Variants in THSD7A observed in about 807,000 individuals in gnomAD.
THSD7A encodes the protein thrombospondin type 1 domain containing 7A.
A neutral mutation model predicts 231.3 loss-of-function variants in THSD7A; 96 were observed. The observed-to-expected ratio is 0.41, with a 90% confidence interval of 0.35 to 0.49. The LOEUF (loss-of-function observed/expected upper bound fraction) is 0.49. Ranked by LOEUF, THSD7A falls within the 20% of genes least tolerant of loss-of-function variation. THSD7A has a pLI of 0.05. For missense variants in THSD7A, 2,290 were observed against 2,070.2 expected (o/e 1.11, Z -2.06); for synonymous variants, 940 against 743.3 (o/e 1.26, Z -4.30).
In THSD7A at chr7:11,481,926, A is replaced by G. The variant is rs1441832680; in HGVS notation, c.1879T>C (p.Cys627Arg). The change falls in exon 7 of 28, where the codon TGT (cysteine) becomes CGT (arginine). Residue 627 changes from cysteine to arginine, a missense_variant. Cys to Arg is a radical substitution (Grantham distance 180). Transcript: ENST00000423059. ...RDAIFPIPVA[C>R]DAPCPKDCVL... ...CAGTCTTTCGGGCATGGGGCATCAC[A>G]GGCCACAGGGATGGGGAAGATGGCA... 1 of 1,613,718 alleles carries G rather than the reference A, an allele frequency of 6.2e-7. No homozygotes were observed. Among genetic ancestry groups the G allele is most frequent in the Non-Finnish European group, 8.5e-7 (1 of 1,179,684 alleles).
chr7:11,753,439 C>A (rs572305400), intron 1 of THSD7A, among the ~76,000 whole-genome samples: 1 of 152,142 alleles, frequency 6.6e-6, no homozygotes, highest in East Asian at 2.0e-4. Context: ...CCTCTCCCAG[C>A]ACTCAGGCCA....
chr7:11,682,351 A>G (rs1783901102), intron 1 of THSD7A, among the ~76,000 whole-genome samples: 1 of 152,116 alleles, frequency 6.6e-6, no homozygotes, highest in Admixed American at 6.6e-5. Flanking sequence ...GCTATCTTTA[A>G]GAGATCTATC....
At chr7:11,709,966 G>T (rs1330771067) in intron 1 of THSD7A, among the ~76,000 whole-genome samples, 1 of 150,828 alleles carries the variant, frequency 6.6e-6, no homozygotes, top group African/African-American at 2.4e-5. Flanking sequence ...CTCTTAAAAG[G>T]TTGGATCAAA....
intron 6 of THSD7A, among the ~76,000 whole-genome samples, chr7:11,504,063 T>C (rs975505809): frequency 6.6e-6 from 1 of 152,142 alleles, no homozygotes; most frequent in Non-Finnish European, 1.5e-5. Flanking sequence ...TCAACATAAA[T>C]TCCCATCAAT....
Position 11,541,645 on chromosome 7 carries a change from G to C in THSD7A, c.1610-14C>G. ...TCAGTTTGAAGCCTGAATTATGGGG[G>C]AAGGAAAAATCTATTGTTACTATCA... On this transcript the variant is annotated splice_polypyrimidine_tract_variant and intron_variant, in intron 5 of 27. Transcript: ENST00000423059. 1.2e-6 allele frequency: 2 copies of C among 1,608,866 alleles called. No homozygotes were observed. The highest frequency in any genetic ancestry group is 1.7e-6 in the Non-Finnish European group (2 of 1,176,232).
At chr7:11,603,069 C>G (rs970212731) in intron 2 of THSD7A, among the ~76,000 whole-genome samples, 4 of 150,630 alleles carry the variant, frequency 2.7e-5, no homozygotes, top group African/African-American at 9.7e-5. Context: ...GCAAAAGAAA[C>G]TACCATCAGA....
At chr7:11,550,215 C>T (rs1222268373) in intron 4 of THSD7A, among the ~76,000 whole-genome samples, 1 of 152,130 alleles carries the variant, frequency 6.6e-6, no homozygotes, top group Non-Finnish European at 1.5e-5. Context: ...AAAGCCAAAT[C>T]AGGAATGCAA....
chr7:11,724,220 T>A (rs749015999), intron 1 of THSD7A, among the ~76,000 whole-genome samples: 1 of 151,940 alleles, frequency 6.6e-6, no homozygotes, highest in Non-Finnish European at 1.5e-5. Context: ...CTTAATGAGA[T>A]GTGACATGAG....
chr7:11,668,037 G>C (rs1783215382), intron 1 of THSD7A, among the ~76,000 whole-genome samples: 1 of 152,176 alleles, frequency 6.6e-6, no homozygotes, highest in Non-Finnish European at 1.5e-5. Context: ...TCCAAGATTA[G>C]GCTATGAGTC....
chr7:11,820,982 A>G (rs771717554), intron 1 of THSD7A: 32 of 1,034,842 alleles, frequency 3.1e-5, no homozygotes, highest in Non-Finnish European at 4.5e-5. Flanking sequence ...GGAGATCAAC[A>G]GGATCATCTC....
intron 2 of THSD7A, among the ~76,000 whole-genome samples, chr7:11,596,534 T>C (rs1584051671): frequency 6.6e-6 from 1 of 152,084 alleles, no homozygotes. Flanking sequence ...GTGAGGGCTA[T>C]TATGGTGGGA....
chr7:11,649,570 G>A (rs987602566), intron 1 of THSD7A, among the ~76,000 whole-genome samples: 1 of 152,068 alleles, frequency 6.6e-6, no homozygotes, highest in African/African-American at 2.4e-5. Context: ...GATGATGAGT[G>A]TGTTGGTAAA....
At chr7:11,806,715 T>A (rs1263228270) in intron 1 of THSD7A, among the ~76,000 whole-genome samples, 3 of 152,288 alleles carry the variant, frequency 2.0e-5, no homozygotes, top group Non-Finnish European at 2.9e-5. Flanking sequence ...GTTCAGAACC[T>A]GAGGGAAAGC....
chr7:11,724,756 T>C lies in THSD7A; in HGVS notation c.191-87795A>G, dbSNP rs545706006. Among the ~76,000 whole-genome samples, 10 of 152,044 alleles carry C rather than the reference T, an allele frequency of 6.6e-5. No individual in the cohort carries two copies. In the South Asian group the frequency reaches 2.1e-3, roughly 32 times the overall value. ...TTTCTTTGAAAACCACCATTACATA[T>C]ACCAGAATACACAAATCAGTGCATA... On this transcript the variant is annotated intron_variant, in intron 1 of 27. Coordinates refer to ENST00000423059, the MANE Select transcript of THSD7A (RefSeq NM_015204.3).
intron 23 of THSD7A, among the ~76,000 whole-genome samples, chr7:11,401,228 G>A (rs771948064): frequency 9.2e-5 from 14 of 151,926 alleles, no homozygotes; most frequent in Non-Finnish European, 1.3e-4. Flanking sequence ...TGTTATAAGC[G>A]TACAAATAAT....
At chr7:11,568,141 T>C (rs1790444700) in intron 4 of THSD7A, among the ~76,000 whole-genome samples, 1 of 152,202 alleles carries the variant, frequency 6.6e-6, no homozygotes, top group African/African-American at 2.4e-5. Flanking sequence ...GTTAAAACTT[T>C]ATTTGCAATT....
Position 11,593,457 on chromosome 7 carries a change from C to A in THSD7A, c.1068G>T (p.Val356=). The change falls in exon 3 of 28, where the codon GTG becomes GTT. Residue 356 remains valine, a synonymous_variant. Coordinates refer to ENST00000423059, the MANE Select transcript of THSD7A (RefSeq NM_015204.3). ...CGGAAACCTGGCACTCTTTGGTGAT[C>A]ACACAGGACTGGAAGGTCATTGGAA... is the stretch of plus-strand genomic sequence containing the variant. ...EKLPMTFQSC[V]ITKECQVSEW... 3.1e-6 allele frequency: 5 copies of A among 1,613,990 alleles called. No individual in the cohort carries two copies. The South Asian group carries it at 5.5e-5, about 18-fold the overall frequency.
chr7:11,518,018 G>T (rs1051079763), intron 6 of THSD7A, among the ~76,000 whole-genome samples: 2 of 152,210 alleles, frequency 1.3e-5, no homozygotes, highest in African/African-American at 4.8e-5. Context: ...AGAGACAGAA[G>T]GACCTGGATA....
intron 9 of THSD7A, among the ~76,000 whole-genome samples, chr7:11,467,628 G>T (rs1785763884): frequency 6.6e-6 from 1 of 152,002 alleles, no homozygotes; most frequent in Admixed American, 6.6e-5. Flanking sequence ...CAGTGTTTTA[G>T]ATTTTTTATT....
Sources: gnomAD v4.1 joint callset for allele counts (sites outside exome capture counted in the v4.1 genomes callset) on GRCh38, gnomAD v4.1.1 for gene constraint, MANE v1.5 for transcripts, NCBI Gene and HGNC (gene_info 2026-07-23, HGNC 2026-07-21) for gene names.